Variants in CLUAP1 observed in about 807,000 individuals in gnomAD.
The protein encoded by CLUAP1 is intraflagellar transport 38.
Under a neutral mutation model 55.0 loss-of-function variants are expected in CLUAP1, and 50 were observed. That is an observed-to-expected ratio of 0.91 (90% CI 0.72 to 1.15). The LOEUF (loss-of-function observed/expected upper bound fraction) is 1.15, where lower values mean the gene tolerates loss of function less well. CLUAP1 is among the 50% of genes most tolerant of loss of function. CLUAP1 has a pLI of 0.00. For missense variants in CLUAP1, 530 were observed against 507.6 expected (o/e 1.04, Z -0.42); for synonymous variants, 195 against 175.4 (o/e 1.11, Z -0.88).
intron 6 of CLUAP1, among the ~76,000 whole-genome samples, chr16:3,518,131 A>C (rs1035935065): frequency 6.6e-6 from 1 of 152,196 alleles, no homozygotes; most frequent in Non-Finnish European, 1.5e-5. Context: ...TCTGGTCAGC[A>C]ACTTACTGTC....
In CLUAP1 at chr16:3,504,717, C is replaced by T; in HGVS notation, c.23-3C>T. 6.5e-7 allele frequency: 1 copy of T among 1,536,572 alleles called. No individual in the cohort carries two copies. Among genetic ancestry groups the T allele is most frequent in the South Asian group, 1.1e-5 (1 of 89,478 alleles). ...TGAATGAATTGTATTTTTCCTTGGACAGATTTCACAGAGATGATGAGAGCC... is the reference window on the plus strand; with the variant it reads ...TGAATGAATTGTATTTTTCCTTGGATAGATTTCACAGAGATGATGAGAGCC... On this transcript the variant is annotated splice_polypyrimidine_tract_variant and splice_region_variant and intron_variant, in intron 1 of 11. Coordinates refer to ENST00000576634, the MANE Select transcript of CLUAP1 (RefSeq NM_015041.3).
In CLUAP1 at chr16:3,530,572, C is replaced by T. The variant is rs750353977; in HGVS notation, c.933C>T (p.Asn311=). The T allele has an allele frequency of 2.4e-5, 38 of 1,613,098 alleles. No homozygotes were observed. The highest frequency in any genetic ancestry group is 6.7e-5 in the East Asian group (3 of 44,880). Residue 311 remains asparagine, a synonymous_variant, in exon 10 of 12, where the codon AAC becomes AAT. Coordinates refer to ENST00000576634, the MANE Select transcript of CLUAP1 (RefSeq NM_015041.3). ...EEKRLLKSGS[N]DDSDIDIQED... ...GCCTGCTTGTGTTCCTGCTAGGTAA[C>T]GATGACTCGGACATAGACATCCAGG...
At chr16:3,523,939 C>T (rs1036600989) in intron 8 of CLUAP1, among the ~76,000 whole-genome samples, 6 of 151,842 alleles carry the variant, frequency 4.0e-5, no homozygotes. Context: ...GTACTCCAGC[C>T]TGGACAACAG....
At chr16:3,505,467 A>ATGCAGTGAGCCGAAGTG (rs1180902332) in intron 2 of CLUAP1, among the ~76,000 whole-genome samples, 1 of 150,676 alleles carries the variant, frequency 6.6e-6, no homozygotes, top group Non-Finnish European at 1.5e-5. Context: ...GAGGCGGAGC[A>ATGCAGTGAGCCGAAGTG]TGCAGTGAGC....
Position 3,501,109 on chromosome 16 carries a change from C to A in CLUAP1, c.22+20C>A, listed in dbSNP as rs754494832. On this transcript the variant is annotated intron_variant, in intron 1 of 11. Coordinates refer to ENST00000576634, the MANE Select transcript of CLUAP1 (RefSeq NM_015041.3). ...TCCGCAGTAAGGCAGCCCCGCGCCC[C>A]TGTGACCTGCGGGTCTTCCAGAGAT... 2 of 1,583,078 alleles carry A rather than the reference C, an allele frequency of 1.3e-6. No individual in the cohort carries two copies. Among genetic ancestry groups the A allele is most frequent in the Non-Finnish European group, 1.7e-6 (2 of 1,170,514 alleles).
At chr16:3,514,080 G>A (rs773959669) in intron 5 of CLUAP1, among the ~76,000 whole-genome samples, 3 of 152,184 alleles carry the variant, frequency 2.0e-5, no homozygotes, top group Non-Finnish European at 2.9e-5. Context: ...GATGAGTAAG[G>A]TACCTCCAGG....
In CLUAP1 at chr16:3,529,690, T is replaced by TA. The variant is rs1302478027; in HGVS notation, c.929-877dup. On this transcript the variant is annotated intron_variant, in intron 9 of 11. Transcript: ENST00000576634. Reference sequence around the variant, plus strand: ...TATTATTATATATTATATATTATTATATATTATATATTATATATTATATAA... The same window carrying TA: ...TATTATTATATATTATATATTATTATAATATTATATATTATATATTATATAA... Among the ~76,000 whole-genome samples the TA allele has an allele frequency of 2.5e-3, 53 of 20,982 alleles. 3 individuals carry two copies. Among genetic ancestry groups the TA allele is most frequent in the African/African-American group, 0.014 (48 of 3,452 alleles). 13.8% of individuals were successfully genotyped at this position (20,982 alleles called of 152,430 possible).
At chr16:3,507,659 A>G (rs1367965707) in intron 3 of CLUAP1, among the ~76,000 whole-genome samples, 2 of 147,550 alleles carry the variant, frequency 1.4e-5, no homozygotes, top group East Asian at 4.0e-4. Context: ...AATAACCACT[A>G]TTTTAAATCT....
chr16:3,496,731 G>A (rs1163783948), upstream of CLUAP1: 3 of 526,462 alleles, frequency 5.7e-6, no homozygotes, highest in African/African-American at 3.9e-5. Flanking sequence ...AAGTTCGAGC[G>A]CGCCAGAGGC....
At chr16:3,523,370 T>TAATTAACACAA in intron 8 of CLUAP1, 71 bp downstream of exon 8, 1 of 1,486,336 alleles carries the variant, frequency 6.7e-7, no homozygotes, top group Non-Finnish European at 9.0e-7. Context: ...ACAGGTCATT[T>TAATTAACACAA]TGTTAATATC....
intron 6 of CLUAP1, among the ~76,000 whole-genome samples, chr16:3,518,663 C>A (rs535638887): frequency 1.3e-5 from 2 of 152,316 alleles, no homozygotes; most frequent in Non-Finnish European, 2.9e-5. Flanking sequence ...GGTGAACTCG[C>A]ATTTCTCCTG....
intron 5 of CLUAP1, 59 bp downstream of exon 5, chr16:3,512,537 A>G (rs1344271862): frequency 8.3e-6 from 11 of 1,326,170 alleles, no homozygotes; most frequent in Non-Finnish European, 1.2e-5. Context: ...TTTCTTTTTC[A>G]ATTCTGTTTC....
At chr16:3,501,655 GCCTGTAAT>G (rs1221685506) in intron 1 of CLUAP1, among the ~76,000 whole-genome samples, 1 of 152,068 alleles carries the variant, frequency 6.6e-6, no homozygotes, top group Non-Finnish European at 1.5e-5. Context: ...GGTGGCGGGC[GCCTGTAAT>G]CCCAGCTACT....
chr16:3,523,992 A>G (rs757158340), intron 8 of CLUAP1, among the ~76,000 whole-genome samples: 1 of 152,032 alleles, frequency 6.6e-6, no homozygotes, highest in Non-Finnish European at 1.5e-5. Context: ...AAGCTTGCTT[A>G]GTCAGTTCAC....
chr16:3,533,526 A>G (rs1397299136), intron 11 of CLUAP1: 2 of 252,462 alleles, frequency 7.9e-6, no homozygotes, highest in African/African-American at 2.2e-5. Flanking sequence ...AGGCTGAGAC[A>G]TAAGCTGCCT....
intron 8 of CLUAP1, among the ~76,000 whole-genome samples, chr16:3,524,525 A>G (rs2037901981): frequency 7.1e-6 from 1 of 140,394 alleles, no homozygotes; most frequent in Non-Finnish European, 1.5e-5. Flanking sequence ...TGAACCCAGG[A>G]GGCAGAGGTT....
chr16:3,500,403 C>G (rs555164646), upstream of CLUAP1, among the ~76,000 whole-genome samples: 1 of 146,894 alleles, frequency 6.8e-6, no homozygotes, highest in Non-Finnish European at 1.5e-5. Flanking sequence ...CAGAGTCTCG[C>G]TCTGTCGCCA....
At chr16:3,533,024 A>C in intron 11 of CLUAP1, 183 bp downstream of exon 11, 2 of 1,420,464 alleles carry the variant, frequency 1.4e-6, no homozygotes, top group East Asian at 2.5e-5. Flanking sequence ...TGGATGGCTC[A>C]TCTCTTTTCA....
At chr16:3,506,795 G>A (rs1379610522) in intron 3 of CLUAP1, among the ~76,000 whole-genome samples, 1 of 152,026 alleles carries the variant, frequency 6.6e-6, no homozygotes, top group Non-Finnish European at 1.5e-5. Flanking sequence ...GAGCCACCAC[G>A]CGCCTGGCCT....
Sources: allele counts gnomAD v4.1 joint callset (sites outside exome capture counted in the v4.1 genomes callset), GRCh38; gene constraint gnomAD v4.1.1; transcripts MANE v1.5; gene names NCBI Gene and HGNC (gene_info 2026-07-23, HGNC 2026-07-21).